PLCL1: variants seen among roughly 807,000 people sequenced by gnomAD.
PLCL1 encodes the protein phospholipase C like 1 (inactive).
In PLCL1, 41 loss-of-function variants were observed where a neutral mutation model predicts 84.4. The ratio of observed to expected loss-of-function variants is 0.49; its 90% CI spans 0.38 to 0.63. PLCL1 has a LOEUF of 0.63. Among genes scored for constraint, PLCL1 ranks in the 30% least tolerant of loss-of-function variants. The pLI is 0.00. For synonymous variants in PLCL1, 490 were observed against 488.3 expected, an observed-to-expected ratio of 1.00 and a Z score of -0.05; for missense variants, 1,206 against 1,367.8, an observed-to-expected ratio of 0.88 and a Z score of 1.87.
chr2:197,943,090 C>T (rs1052925651), intron 1 of PLCL1, among the ~76,000 whole-genome samples: 3 of 147,528 alleles, frequency 2.0e-5, no homozygotes, highest in Admixed American at 1.4e-4. Flanking sequence ...GTGGGATTGT[C>T]GGGGGTGGGG....
At chr2:198,016,598 G>A (rs1004502130) in intron 1 of PLCL1, among the ~76,000 whole-genome samples, 3 of 152,074 alleles carry the variant, frequency 2.0e-5, no homozygotes, top group Admixed American at 1.3e-4. Context: ...TAGCTTCCTC[G>A]ACTCTAAAAT....
chr2:197,995,462 T>C (rs1461611392), intron 1 of PLCL1, among the ~76,000 whole-genome samples: 1 of 152,084 alleles, frequency 6.6e-6, no homozygotes, highest in Non-Finnish European at 1.5e-5. Flanking sequence ...AACTGCCACA[T>C]GATATACATG....
At chr2:197,944,399 T>C (rs1454678241) in intron 1 of PLCL1, among the ~76,000 whole-genome samples, 1 of 152,184 alleles carries the variant, frequency 6.6e-6, no homozygotes, top group Non-Finnish European at 1.5e-5. Flanking sequence ...TTTTGACTGC[T>C]GTGCCTGAGT....
At chr2:197,832,265 A>G (rs1691083246) in intron 1 of PLCL1, among the ~76,000 whole-genome samples, 1 of 152,204 alleles carries the variant, frequency 6.6e-6, no homozygotes, top group Admixed American at 6.5e-5. Flanking sequence ...TAGCCAGACT[A>G]ATAAAGAAGA....
intron 1 of PLCL1, among the ~76,000 whole-genome samples, chr2:198,040,985 G>T (rs1175252801): frequency 6.6e-6 from 1 of 152,182 alleles, no homozygotes; most frequent in Non-Finnish European, 1.5e-5. Flanking sequence ...CTGGCCAATG[G>T]GGGGTTGGGG....
chr2:197,857,603 TGTA>T (rs1302991237), intron 1 of PLCL1, among the ~76,000 whole-genome samples: 2 of 152,132 alleles, frequency 1.3e-5, no homozygotes, highest in Non-Finnish European at 2.9e-5. Flanking sequence ...GTTTCCATGT[TGTA>T]GTAATGATTC....
At chr2:198,143,028 G>A (rs906083090) in intron 5 of PLCL1, among the ~76,000 whole-genome samples, 1 of 152,016 alleles carries the variant, frequency 6.6e-6, no homozygotes, top group Non-Finnish European at 1.5e-5. Context: ...TTCTCCTGGG[G>A]TTCCTCCTCT....
chr2:198,113,480 T>C lies in PLCL1; in HGVS notation c.3105+9544T>C, dbSNP rs543469372. Among the ~76,000 whole-genome samples the C allele has an allele frequency of 2.0e-5, 3 of 151,998 alleles. No individual in the cohort carries two copies. The South Asian group carries it at 6.2e-4, about 32-fold the overall frequency. On this transcript the variant is annotated intron_variant, in intron 5 of 5. Transcript: ENST00000428675. Reference sequence around the variant, plus strand: ...TGTCATTTAACAAGCACATGATGTGTGTTAAATTTGTCCTTATGATGGGTG... The same window carrying C: ...TGTCATTTAACAAGCACATGATGTGCGTTAAATTTGTCCTTATGATGGGTG...
chr2:197,921,715 A>G (rs568397778), intron 1 of PLCL1, among the ~76,000 whole-genome samples: 5 of 152,172 alleles, frequency 3.3e-5, no homozygotes, highest in Non-Finnish European at 7.4e-5. Flanking sequence ...CTCACCTGAC[A>G]TACACTTCTT....
At chr2:197,866,034 A>T (rs867415868) in intron 1 of PLCL1, among the ~76,000 whole-genome samples, 713 of 41,546 alleles carry the variant, frequency 0.017, 67 homozygotes, top group African/African-American at 0.092. Context: ...AAAAAAAAAA[A>T]AAATATATAT....
chr2:197,829,467 T>G (rs1217385236), intron 1 of PLCL1, among the ~76,000 whole-genome samples: 3 of 152,206 alleles, frequency 2.0e-5, no homozygotes, highest in Non-Finnish European at 2.9e-5. Flanking sequence ...TTATGCATCG[T>G]TAAAATTATT....
chr2:197,877,196 G>A (rs778176961), intron 1 of PLCL1, among the ~76,000 whole-genome samples: 3 of 152,060 alleles, frequency 2.0e-5, no homozygotes, highest in Non-Finnish European at 4.4e-5. Flanking sequence ...CATCCACTAA[G>A]GTGGTTCTCT....
intron 1 of PLCL1, among the ~76,000 whole-genome samples, chr2:197,922,664 TCCC>T (rs1688729155): frequency 8.6e-5 from 8 of 92,820 alleles, no homozygotes; most frequent in Non-Finnish European, 6.6e-5. Flanking sequence ...CCCCCCCACC[TCCC>T]TCCCGGACGG....
chr2:197,984,880 T>C (rs1000645061), intron 1 of PLCL1, among the ~76,000 whole-genome samples: 1 of 152,176 alleles, frequency 6.6e-6, no homozygotes, highest in Non-Finnish European at 1.5e-5. Context: ...TTCATCCTTT[T>C]GGATTTAAGC....
intron 5 of PLCL1, among the ~76,000 whole-genome samples, chr2:198,141,147 A>G (rs1694376382): frequency 6.6e-6 from 1 of 152,182 alleles, no homozygotes. Context: ...CTATTCATCC[A>G]TATTTCTTGA....
In PLCL1 at chr2:198,084,042, T is replaced by G. The variant is rs1243288382; in HGVS notation, c.525T>G (p.Phe175Leu). 1 of 1,614,044 alleles carries G rather than the reference T, an allele frequency of 6.2e-7. No homozygotes were observed. The highest frequency in any genetic ancestry group is 1.7e-5 in the Admixed American group (1 of 60,000). The stretch of plus-strand genomic sequence containing the variant: ...GACTGGGGAAAAACACGGAAACATT[T>G]AGAAACAATGGCCTTGCTGACCAGA... ...EIRLGKNTET[F>L]RNNGLADQIC... The change falls in exon 2 of 6, where the codon TTT becomes TTG. Residue 175 changes from phenylalanine to leucine, a missense_variant. Transcript: ENST00000428675.
At chr2:198,019,686 A>T (rs1459754806) in intron 1 of PLCL1, among the ~76,000 whole-genome samples, 1 of 152,202 alleles carries the variant, frequency 6.6e-6, no homozygotes, top group Non-Finnish European at 1.5e-5. Context: ...AAGATTAGAG[A>T]AAGAAAGAAT....
Position 197,837,637 on chromosome 2 carries a change from A to G in PLCL1, c.240+32298A>G, listed in dbSNP as rs574539809. Among the ~76,000 whole-genome samples the G allele has an allele frequency of 3.3e-4, 50 of 152,360 alleles. No homozygotes were observed. The South Asian group carries it at 9.7e-3, about 30-fold the overall frequency. ...GATTGGGCCAGGCCTGTAGAAAGGC[A>G]TCTAGTTATGACTGGCGGGTGACCC... On this transcript the variant is annotated intron_variant, in intron 1 of 5. Coordinates refer to ENST00000428675, the MANE Select transcript of PLCL1 (RefSeq NM_006226.4).
At chr2:198,138,711 T>C (rs902349379) in intron 5 of PLCL1, among the ~76,000 whole-genome samples, 3 of 152,180 alleles carry the variant, frequency 2.0e-5, no homozygotes, top group African/African-American at 7.2e-5. Context: ...CACAGTAATA[T>C]TGGAACAAAT....
Sources: gnomAD v4.1 joint callset for allele counts (sites outside exome capture counted in the v4.1 genomes callset) on GRCh38, gnomAD v4.1.1 for gene constraint, MANE v1.5 for transcripts, NCBI Gene and HGNC (gene_info 2026-07-23, HGNC 2026-07-21) for gene names.